The following C15orf40 variants were observed in gnomAD, a reference collection of about 807,000 sequenced individuals.
C15orf40 encodes chromosome 15 open reading frame 40, also known as UPF0235 protein C15orf40.
A neutral mutation model predicts 13.9 loss-of-function variants in C15orf40; 9 were observed. That is an observed-to-expected ratio of 0.65 (90% confidence interval 0.39 to 1.13). The LOEUF is 1.13. Ranked by LOEUF, C15orf40 falls within the 50% of genes most tolerant of loss-of-function variation. The probability of loss-of-function intolerance (pLI) is 0.01; values close to 1 mark genes in which losing one functional copy is unlikely to be tolerated. For missense variants in C15orf40, 225 were observed against 188.5 expected (o/e 1.19, Z -1.13); for synonymous variants, 95 against 69.2 (o/e 1.37, Z -1.85).
chr15:83,001,172 C>A lies in C15orf40; in HGVS notation c.*4425G>T. ...TGGTTATTGCTGTCCCTCCCCTAAC[C>A]GAGAGGAAAGTGTGGAATGGCTCAC... On this transcript the variant is annotated 3_prime_UTR_variant, in exon 4 of 4. Coordinates refer to ENST00000304177, the MANE Select transcript of C15orf40 (RefSeq NM_144597.3). 1 of 985,446 alleles carries A rather than the reference C, an allele frequency of 1.0e-6. No homozygotes were observed. Among genetic ancestry groups the A allele is most frequent in the Non-Finnish European group, 1.2e-6 (1 of 829,952 alleles). 61.0% of individuals were successfully genotyped at this position (985,446 alleles called of 1,614,324 possible).
In C15orf40 at chr15:82,996,652, T is replaced by TTAAAA. The variant is rs777899500; in HGVS notation, c.*8940_*8944dup. Reference sequence around the variant, plus strand: ...AGTGAGACTCCGTCTCAAAATAAAATTAAAATAAAATAAAATAATAAAATA... The same window carrying TTAAAA: ...AGTGAGACTCCGTCTCAAAATAAAATTAAAATAAAATAAAATAAAATAATAAAATA... On this transcript the variant is annotated 3_prime_UTR_variant, in exon 4 of 4. Coordinates refer to ENST00000304177, the MANE Select transcript of C15orf40 (RefSeq NM_144597.3). 2 of 145,510 alleles carry TTAAAA rather than the reference T, an allele frequency of 1.4e-5. No individual in the cohort carries two copies. The highest frequency in any genetic ancestry group is 3.0e-5 in the Non-Finnish European group (2 of 65,884). 9.0% of individuals were successfully genotyped at this position (145,510 alleles called of 1,614,324 possible).
rs2031209532 is a variant in C15orf40, at chr15:82,998,098, C to T, written c.*7499G>A. On this transcript the variant is annotated 3_prime_UTR_variant, in exon 4 of 4. Coordinates refer to ENST00000304177, the MANE Select transcript of C15orf40 (RefSeq NM_144597.3). ...TGGCTGGCCGGGCTGAGGGGCTCCT[C>T]ACTTCCCAGTAGGGGCGGCCGGGCA... The T allele has an allele frequency of 7.5e-6, 1 of 132,490 alleles. No individual in the cohort carries two copies. Among genetic ancestry groups the T allele is most frequent in the East Asian group, 2.3e-4 (1 of 4,310 alleles). 8.2% of individuals were successfully genotyped at this position (132,490 alleles called of 1,614,324 possible).
chr15:83,009,193 C>CCCAATTTT (rs2031861778), intron 2 of C15orf40, among the ~76,000 whole-genome samples: 1 of 152,208 alleles, frequency 6.6e-6, no homozygotes, highest in East Asian at 1.9e-4. Flanking sequence ...CAAATATTTA[C>CCCAATTTT]AGAGCACTTA....
Position 83,004,831 on chromosome 15 carries a change from G to C in C15orf40, c.*766C>G. The C allele has an allele frequency of 7.8e-7, 1 of 1,281,204 alleles. No individual in the cohort carries two copies. The highest frequency in any genetic ancestry group is 1.0e-6 in the Non-Finnish European group (1 of 974,234). 79.4% of individuals were successfully genotyped at this position (1,281,204 alleles called of 1,614,324 possible). ...TGTCACTTGTAAACTGGATTAGAAG[G>C]CAATCCCCAGAATTCCAGAACCGTT... is the stretch of plus-strand genomic sequence containing the variant. On this transcript the variant is annotated 3_prime_UTR_variant, in exon 4 of 4. Transcript: ENST00000304177.
At chr15:82,991,905 A>C (rs781346991), downstream of C15orf40, 1 of 1,288,982 alleles carries the variant, frequency 7.8e-7, no homozygotes, top group Non-Finnish European at 1.0e-6. Context: ...TCTTCTCTGA[A>C]AGCAGAAGTG....
In C15orf40 at chr15:83,001,175, G is replaced by C. The variant is rs1031148041; in HGVS notation, c.*4422C>G. ...TTATTGCTGTCCCTCCCCTAACCGA[G>C]AGGAAAGTGTGGAATGGCTCACAGA... On this transcript the variant is annotated 3_prime_UTR_variant, in exon 4 of 4. Transcript: ENST00000304177. 5.1e-6 allele frequency: 5 copies of C among 985,444 alleles called. No homozygotes were observed. The highest frequency in any genetic ancestry group is 1.7e-5 in the African/African-American group (1 of 57,352). 61.0% of individuals were successfully genotyped at this position (985,444 alleles called of 1,614,324 possible).
At chr15:82,991,937 T>G, downstream of C15orf40, 1 of 1,288,250 alleles carries the variant, frequency 7.8e-7, no homozygotes, top group Non-Finnish European at 1.0e-6. Flanking sequence ...ATCACCTGGT[T>G]GGGTATGGTG....
At chr15:82,994,184 G>A (rs2030963935), downstream of C15orf40, among the ~76,000 whole-genome samples, 1 of 152,052 alleles carries the variant, frequency 6.6e-6, no homozygotes. Flanking sequence ...AAAAATGTAG[G>A]ACTTTATAAT....
In C15orf40 at chr15:82,995,112, T is replaced by C. The variant is rs1307606733; in HGVS notation, c.*10485A>G. The C allele has an allele frequency of 7.2e-6, 1 of 138,648 alleles. No homozygotes were observed. Among genetic ancestry groups the C allele is most frequent in the Non-Finnish European group, 1.5e-5 (1 of 64,704 alleles). 8.6% of individuals were successfully genotyped at this position (138,648 alleles called of 1,614,324 possible). ...AGCCCACAGCAGCCTTGAGAGCAGA[T>C]TATCTCCTCTTTTCTAGAAGTCTGG... On this transcript the variant is annotated 3_prime_UTR_variant, in exon 4 of 4. Transcript: ENST00000304177.
At chr15:83,009,194 AG>A (rs2031862281) in intron 2 of C15orf40, among the ~76,000 whole-genome samples, 1 of 152,266 alleles carries the variant, frequency 6.6e-6, no homozygotes, top group East Asian at 1.9e-4. Context: ...AAATATTTAC[AG>A]AGCACTTACT....
At chr15:82,989,925 G>A (rs182796186), downstream of C15orf40, 5 of 1,612,406 alleles carry the variant, frequency 3.1e-6, no homozygotes, top group Admixed American at 6.7e-5. Flanking sequence ...AACAGATGGG[G>A]GTGGCCAAGT....
At chr15:82,991,811 AG>A (rs1385389083), downstream of C15orf40, 4 of 1,129,400 alleles carry the variant, frequency 3.5e-6, no homozygotes, top group African/African-American at 6.4e-5. Flanking sequence ...TCAGTAGGCA[AG>A]AAGCCAGTGC....
In C15orf40 at chr15:82,998,209, G is replaced by C. The variant is rs2151277986; in HGVS notation, c.*7388C>G. 6.7e-6 allele frequency: 1 copy of C among 150,132 alleles called. No homozygotes were observed. Among genetic ancestry groups the C allele is most frequent in the East Asian group, 2.0e-4 (1 of 4,896 alleles). 9.3% of individuals were successfully genotyped at this position (150,132 alleles called of 1,614,324 possible). On this transcript the variant is annotated 3_prime_UTR_variant, in exon 4 of 4. Transcript: ENST00000304177. ...CCCTCCCGGACGGCACGGCTGGCCA[G>C]GCGGGGGGCTGACCCCCCCACCTCC...
intron 1 of C15orf40, 58 bp downstream of exon 1, chr15:83,011,439 C>T: frequency 1.3e-6 from 2 of 1,526,248 alleles, no homozygotes; most frequent in Non-Finnish European, 1.8e-6. Flanking sequence ...TTCTCCCGCG[C>T]TCTTCAACAA....
intron 2 of C15orf40, 134 bp downstream of exon 2, chr15:83,010,102 TA>T: frequency 8.1e-7 from 1 of 1,235,916 alleles, no homozygotes; most frequent in Non-Finnish European, 1.1e-6. Flanking sequence ...TCTAGAATTT[TA>T]AAATGGAGAA....
chr15:83,011,471 C>A, intron 1 of C15orf40, 26 bp downstream of exon 1: 1 of 1,587,308 alleles, frequency 6.3e-7, no homozygotes, highest in South Asian at 1.1e-5. Flanking sequence ...GCCCACCCCT[C>A]TGCCGCCACG....
rs2031918841 is a variant in C15orf40, at chr15:83,010,219, C to T, written c.238+18G>A. On this transcript the variant is annotated intron_variant, in intron 2 of 3. Transcript: ENST00000304177. ...CACCTGATTCACACTTGAATCCCAC[C>T]CCAGTGTCCAGGTATACCTGTTACA... 6.2e-7 allele frequency: 1 copy of T among 1,613,848 alleles called. No homozygotes were observed. The highest frequency in any genetic ancestry group is 2.2e-5 in the East Asian group (1 of 44,876).
Position 83,005,171 on chromosome 15 carries a change from G to A in C15orf40, c.*426C>T, listed in dbSNP as rs2031607350. On this transcript the variant is annotated 3_prime_UTR_variant, in exon 4 of 4. Transcript: ENST00000304177. Reference sequence around the variant, plus strand: ...ATTTCTACTTTTTGGAGTCTTATTCGAATATATACATATATATATGTCCCC... The same window carrying A: ...ATTTCTACTTTTTGGAGTCTTATTCAAATATATACATATATATATGTCCCC... The A allele has an allele frequency of 9.5e-6, 10 of 1,052,178 alleles. No individual in the cohort carries two copies. Among genetic ancestry groups the A allele is most frequent in the Middle Eastern group, 4.1e-4 (1 of 2,442 alleles). 65.2% of individuals were successfully genotyped at this position (1,052,178 alleles called of 1,614,324 possible). A position where few individuals can be genotyped will look rare whatever the true frequency, so the allele number is the denominator to read the frequency against.
chr15:82,997,019 A>T lies in C15orf40; in HGVS notation c.*8578T>A, dbSNP rs917007466. 6 of 146,080 alleles carry T rather than the reference A, an allele frequency of 4.1e-5. No individual in the cohort carries two copies. Among genetic ancestry groups the T allele is most frequent in the Non-Finnish European group, 7.5e-5 (5 of 66,782 alleles). 9.0% of individuals were successfully genotyped at this position (146,080 alleles called of 1,614,324 possible). ...GGCAACAAGAGCGAAACTTCGTCTC[A>T]AATAATAATAATAATAATAATAATT... is the stretch of plus-strand genomic sequence containing the variant. On this transcript the variant is annotated 3_prime_UTR_variant, in exon 4 of 4. Transcript: ENST00000304177.
Sources: allele counts gnomAD v4.1 joint callset (sites outside exome capture counted in the v4.1 genomes callset), GRCh38; gene constraint gnomAD v4.1.1; transcripts MANE v1.5; gene names NCBI Gene and HGNC (gene_info 2026-07-23, HGNC 2026-07-21).